The following PAK5 variants were observed in gnomAD, a reference collection of about 807,000 sequenced individuals.
The protein encoded by PAK5 is serine/threonine-protein kinase PAK 5.
In PAK5, 16 loss-of-function variants were observed where a neutral mutation model predicts 65.9. That is an observed-to-expected ratio of 0.24 (90% CI 0.16 to 0.37). The LOEUF (loss-of-function observed/expected upper bound fraction) is 0.37. Among genes scored for constraint, PAK5 ranks in the 10% least tolerant of loss-of-function variants. The pLI is 1.00. For missense variants in PAK5, 785 were observed against 903.9 expected (o/e 0.87, Z 1.69); for synonymous variants, 371 against 354.9 (o/e 1.05, Z -0.51).
chr20:9,640,328 T>G (rs538029019), intron 3 of PAK5, among the ~76,000 whole-genome samples: 35 of 151,646 alleles, frequency 2.3e-4, no homozygotes, highest in African/African-American at 8.2e-4. Context: ...TTTTTGTCCT[T>G]GTGATAGTTT....
At position 9,570,945 on chromosome 20, in the gene PAK5, G is replaced by A. The variant is rs57936864; in HGVS notation, c.991-4561C>T. 8.1e-3 allele frequency among the ~76,000 whole-genome samples: 1,233 copies of A among 152,318 alleles called. 17 individuals carry two copies. Among genetic ancestry groups the A allele is most frequent in the African/African-American group, 0.027 (1,119 of 41,566 alleles). On this transcript the variant is annotated intron_variant, in intron 4 of 9. Coordinates refer to ENST00000353224, the MANE Select transcript of PAK5 (RefSeq NM_177990.4). ...TAAAGAAGAAGCCTGCCTGCACCAA[G>A]GGGACAATTTCCAGGCAAAGATGGA...
intron 2 of PAK5, among the ~76,000 whole-genome samples, chr20:9,701,549 T>C (rs1326875817): frequency 6.6e-6 from 1 of 152,176 alleles, no homozygotes; most frequent in Non-Finnish European, 1.5e-5. Flanking sequence ...CTCAATGCCA[T>C]TATAATTGGT....
At chr20:9,836,414 C>T (rs1569107282) in intron 1 of PAK5, among the ~76,000 whole-genome samples, 1 of 152,170 alleles carries the variant, frequency 6.6e-6, no homozygotes, top group Non-Finnish European at 1.5e-5. Context: ...AATTTGGACA[C>T]AGGGACAGAG....
intron 2 of PAK5, among the ~76,000 whole-genome samples, chr20:9,669,172 C>G (rs1327405665): frequency 6.6e-6 from 1 of 152,022 alleles, no homozygotes; most frequent in African/African-American, 2.4e-5. Context: ...AAACAGTGGG[C>G]AATATCCATT....
At chr20:9,836,612 A>T (rs556107210) in intron 1 of PAK5, among the ~76,000 whole-genome samples, 16 of 152,302 alleles carry the variant, frequency 1.1e-4, no homozygotes, top group Admixed American at 7.2e-4. Context: ...CCATGAGAGA[A>T]TAAATTTCTG....
At chr20:9,608,901 C>T (rs996982243) in intron 3 of PAK5, among the ~76,000 whole-genome samples, 2 of 152,082 alleles carry the variant, frequency 1.3e-5, no homozygotes, top group African/African-American at 4.8e-5. Context: ...GTGATGGCAA[C>T]AAGAATAAAA....
chr20:9,769,502 T>C (rs958209892), intron 1 of PAK5, among the ~76,000 whole-genome samples: 2 of 152,254 alleles, frequency 1.3e-5, no homozygotes, highest in Non-Finnish European at 2.9e-5. Context: ...TTTGATATAA[T>C]TTATCATGTG....
At chr20:9,637,951 G>A (rs1461303203) in intron 3 of PAK5, among the ~76,000 whole-genome samples, 25 of 152,106 alleles carry the variant, frequency 1.6e-4, no homozygotes, top group Admixed American at 1.6e-3. Flanking sequence ...TGATCATTAT[G>A]TTGTGGCTTT....
At chr20:9,707,588 C>T (rs898977484) in intron 2 of PAK5, among the ~76,000 whole-genome samples, 4 of 152,196 alleles carry the variant, frequency 2.6e-5, no homozygotes, top group Non-Finnish European at 4.4e-5. Context: ...TCTATTTCCA[C>T]ATCCCTTAAA....
chr20:9,704,589 C>T (rs929617464), intron 2 of PAK5, among the ~76,000 whole-genome samples: 1 of 152,130 alleles, frequency 6.6e-6, no homozygotes, highest in Non-Finnish European at 1.5e-5. Context: ...TTCCAAAATC[C>T]TATCTGTAGG....
intron 7 of PAK5, among the ~76,000 whole-genome samples, chr20:9,555,973 A>C (rs2045500330): frequency 6.6e-6 from 1 of 152,316 alleles, no homozygotes; most frequent in South Asian, 2.1e-4. Context: ...GGCTGATCAC[A>C]ACTGCAAGAG....
chr20:9,743,725 T>C (rs1416802138), intron 1 of PAK5, among the ~76,000 whole-genome samples: 1 of 152,174 alleles, frequency 6.6e-6, no homozygotes, highest in East Asian at 1.9e-4. Context: ...AGAAACAATA[T>C]CTATTCTTAA....
At chr20:9,542,282 AATAG>A (rs2045277275) in intron 9 of PAK5, among the ~76,000 whole-genome samples, 1 of 152,224 alleles carries the variant, frequency 6.6e-6, no homozygotes, top group East Asian at 1.9e-4. Context: ...CCCAGCATGT[AATAG>A]ATGCTGAATG....
intron 2 of PAK5, among the ~76,000 whole-genome samples, chr20:9,670,079 T>C (rs989419104): frequency 6.6e-6 from 1 of 152,166 alleles, no homozygotes; most frequent in African/African-American, 2.4e-5. Flanking sequence ...GCTTCATCCA[T>C]GTCCCTACAA....
At chr20:9,710,051 T>C (rs1422527549) in intron 2 of PAK5, among the ~76,000 whole-genome samples, 2 of 152,148 alleles carry the variant, frequency 1.3e-5, no homozygotes, top group Non-Finnish European at 2.9e-5. Flanking sequence ...CCTTCAACAT[T>C]CCATCTATGA....
chr20:9,600,642 T>C (rs1321537693), intron 3 of PAK5, among the ~76,000 whole-genome samples: 1 of 152,238 alleles, frequency 6.6e-6, no homozygotes, highest in African/African-American at 2.4e-5. Flanking sequence ...ACTCTAAGGC[T>C]GCTGATTTCT....
intron 1 of PAK5, among the ~76,000 whole-genome samples, chr20:9,802,668 AG>A (rs372830264): frequency 2.6e-5 from 4 of 151,846 alleles, no homozygotes; most frequent in African/African-American, 9.7e-5. Flanking sequence ...ATCACAAGGA[AG>A]AAAAATATAA....
chr20:9,677,269 T>C (rs1335015093), intron 2 of PAK5, among the ~76,000 whole-genome samples: 1 of 152,192 alleles, frequency 6.6e-6, no homozygotes, highest in Non-Finnish European at 1.5e-5. Context: ...AGCATTCTAA[T>C]AGGATGCATC....
intron 7 of PAK5, among the ~76,000 whole-genome samples, chr20:9,546,220 A>G (rs1481065079): frequency 6.6e-6 from 1 of 152,208 alleles, no homozygotes; most frequent in East Asian, 1.9e-4. Flanking sequence ...AGTAGATTCT[A>G]TAATTATTAA....
Sources: allele counts gnomAD v4.1 joint callset (sites outside exome capture counted in the v4.1 genomes callset), GRCh38; gene constraint gnomAD v4.1.1; transcripts MANE v1.5; gene names NCBI Gene and HGNC (gene_info 2026-07-23, HGNC 2026-07-21).